CRTC3: variants seen among roughly 807,000 people sequenced by gnomAD.
CRTC3 encodes the protein CREB regulated transcription coactivator 3, also known as CREB-regulated transcription coactivator 3.
A neutral mutation model predicts 74.5 loss-of-function variants in CRTC3; 26 were observed. The observed-to-expected ratio is 0.35, with a 90% confidence interval of 0.26 to 0.48. The LOEUF is 0.48. CRTC3 is among the 20% of genes least tolerant of loss of function. The probability of loss-of-function intolerance (pLI) is 0.99; values close to 1 mark genes in which losing one functional copy is unlikely to be tolerated. For missense variants in CRTC3, 760 were observed against 787.3 expected (o/e 0.97, Z 0.41); for synonymous variants, 377 against 325.8 (o/e 1.16, Z -1.69).
chr15:90,603,393 A>C (rs1272170923), intron 4 of CRTC3, among the ~76,000 whole-genome samples: 5 of 152,024 alleles, frequency 3.3e-5, no homozygotes, highest in Admixed American at 1.3e-4. Flanking sequence ...CAGTGAGCCG[A>C]GATCACGCCA....
At chr15:90,532,931 A>C (rs1042346144) in intron 1 of CRTC3, among the ~76,000 whole-genome samples, 2 of 150,908 alleles carry the variant, frequency 1.3e-5, no homozygotes, top group Admixed American at 1.3e-4. Context: ...CTAAAAGTAC[A>C]AAAATTAGCC....
Position 90,632,607 on chromosome 15 carries a change from A to C in CRTC3, c.1266+3075A>C, listed in dbSNP as rs147585361. On this transcript the variant is annotated intron_variant, in intron 11 of 14. Coordinates refer to ENST00000268184, the MANE Select transcript of CRTC3 (RefSeq NM_022769.5). ...TTTAACTAATCTCTTTGGTATAACC[A>C]TGTTATTATTATTTTGAGACAGAGT... Among the ~76,000 whole-genome samples the C allele has an allele frequency of 3.3e-3, 499 of 152,144 alleles. 3 individuals carry two copies. The highest frequency in any genetic ancestry group is 0.012 in the African/African-American group (488 of 41,508).
rs1202297469 is a variant in CRTC3 at position 90,546,258 on chromosome 15, T to C, written c.231+6121T>C. 3.3e-5 allele frequency among the ~76,000 whole-genome samples: 5 copies of C among 152,202 alleles called. No individual in the cohort carries two copies. The South Asian group carries it at 8.3e-4, about 25-fold the overall frequency. On this transcript the variant is annotated intron_variant, in intron 2 of 14. Coordinates refer to ENST00000268184, the MANE Select transcript of CRTC3 (RefSeq NM_022769.5). ...GGGTTTGAGGCTCACTCATTTTGCA[T>C]AGGGATGTTAAATTGTTCTAGAACC...
chr15:90,631,247 G>A (rs1969028340), intron 11 of CRTC3, among the ~76,000 whole-genome samples: 1 of 152,072 alleles, frequency 6.6e-6, no homozygotes, highest in Non-Finnish European at 1.5e-5. Context: ...GAGGGTGAGA[G>A]GACATTTCAT....
chr15:90,640,795 G>GTT (rs1969410111), intron 13 of CRTC3, among the ~76,000 whole-genome samples: 2 of 151,754 alleles, frequency 1.3e-5, no homozygotes, highest in African/African-American at 4.9e-5. Context: ...TGAGGCTGAG[G>GTT]ACAGATGTCT....
chr15:90,638,572 CCT>C lies in CRTC3; in HGVS notation c.1394_1395del (p.Pro465ArgfsTer38), dbSNP rs1969324541. The C allele has an allele frequency of 6.2e-7, 1 of 1,613,016 alleles. No homozygotes were observed. Among genetic ancestry groups the C allele is most frequent in the Admixed American group, 1.7e-5 (1 of 59,994 alleles). On this transcript the variant is annotated frameshift_variant, in exon 12 of 15. Transcript: ENST00000268184. LOFTEE classifies it high-confidence loss of function. ...TQPLLQQPRA[P>X]EAPAQQPQAA... ...GCCCCTCCTGCAGCAGCCCCGCGCCCCTGAGGCCCCTGCCCAGCAGCCCCAGG... is the reference window on the plus strand; with the variant it reads ...GCCCCTCCTGCAGCAGCCCCGCGCCCGAGGCCCCTGCCCAGCAGCCCCAGG...
chr15:90,537,316 G>C (rs1966735353), intron 1 of CRTC3, among the ~76,000 whole-genome samples: 1 of 152,182 alleles, frequency 6.6e-6, no homozygotes, highest in South Asian at 2.1e-4. Context: ...TCTTGTGCAG[G>C]AGGCGTCAGA....
intron 2 of CRTC3, among the ~76,000 whole-genome samples, chr15:90,586,550 G>C (rs1239891341): frequency 6.6e-6 from 1 of 151,760 alleles, no homozygotes; most frequent in East Asian, 1.9e-4. Context: ...GTTTTTAGTA[G>C]AGACGGGGTT....
Position 90,623,866 on chromosome 15 carries a change from G to A in CRTC3, c.750-1910G>A, listed in dbSNP as rs116260732. ...GTGGTCTGAATCCTCACAGTTCTGA[G>A]GGCACACCATGTGGTCTCACACCTC... On this transcript the variant is annotated intron_variant, in intron 9 of 14. Transcript: ENST00000268184. Among the ~76,000 whole-genome samples the A allele has an allele frequency of 3.1e-3, 465 of 152,226 alleles. 2 individuals are homozygous for A. Among genetic ancestry groups the A allele is most frequent in the African/African-American group, 0.011 (454 of 41,518 alleles).
At chr15:90,544,659 A>C (rs779172205) in intron 2 of CRTC3, among the ~76,000 whole-genome samples, 1 of 152,234 alleles carries the variant, frequency 6.6e-6, no homozygotes, top group Non-Finnish European at 1.5e-5. Flanking sequence ...TTGCTAGATC[A>C]TACAGTAAGT....
At chr15:90,604,322 A>G (rs1287603725) in intron 4 of CRTC3, 63 bp from the exon 5 acceptor site, 2 of 1,285,146 alleles carry the variant, frequency 1.6e-6, no homozygotes, top group African/African-American at 1.5e-5. Context: ...GCAAGTGCTG[A>G]GGCCCTCCTT....
chr15:90,571,126 C>G (rs1418899381), intron 2 of CRTC3, among the ~76,000 whole-genome samples: 1 of 152,210 alleles, frequency 6.6e-6, no homozygotes, highest in African/African-American at 2.4e-5. Flanking sequence ...AGACACAATG[C>G]TTGATGCTGG....
chr15:90,585,462 T>A (rs942023340), intron 2 of CRTC3, among the ~76,000 whole-genome samples: 1 of 39,162 alleles, frequency 2.6e-5, no homozygotes, highest in Non-Finnish European at 7.5e-5. Flanking sequence ...TTCCTTAATA[T>A]TTTTTTTTTT....
chr15:90,564,696 A>G (rs1402117695), intron 2 of CRTC3, among the ~76,000 whole-genome samples: 2 of 152,224 alleles, frequency 1.3e-5, no homozygotes, highest in Non-Finnish European at 2.9e-5. Context: ...CGAATTTGCC[A>G]TGGTTAGAAA....
chr15:90,570,688 G>A lies in CRTC3; in HGVS notation c.232-22948G>A, dbSNP rs1047502968. Among the ~76,000 whole-genome samples, 6 of 152,084 alleles carry A rather than the reference G, an allele frequency of 3.9e-5. 1 individual carries two copies. The highest frequency in any genetic ancestry group is 9.7e-5 in the African/African-American group (4 of 41,418). On this transcript the variant is annotated intron_variant, in intron 2 of 14. Coordinates refer to ENST00000268184, the MANE Select transcript of CRTC3 (RefSeq NM_022769.5). Reference sequence around the variant, plus strand: ...GAGGCAGGTGAATTACCTGAGGTCCGGATAACAGTAATGCATCCTCATAAG... The same window carrying A: ...GAGGCAGGTGAATTACCTGAGGTCCAGATAACAGTAATGCATCCTCATAAG...
At chr15:90,629,140 A>T in intron 10 of CRTC3, 94 bp from the exon 11 acceptor site, 1 of 1,194,488 alleles carries the variant, frequency 8.4e-7, no homozygotes, top group South Asian at 1.5e-5. Context: ...CAGAATCATC[A>T]TCGCATGTGA....
intron 2 of CRTC3, among the ~76,000 whole-genome samples, chr15:90,557,524 T>A (rs998489761): frequency 6.6e-6 from 1 of 152,172 alleles, no homozygotes; most frequent in Admixed American, 6.5e-5. Flanking sequence ...GTGCCCCTCT[T>A]TGAGGGGCTC....
chr15:90,537,327 GT>G (rs751225798), intron 1 of CRTC3, among the ~76,000 whole-genome samples: 1 of 152,210 alleles, frequency 6.6e-6, no homozygotes, highest in African/African-American at 2.4e-5. Context: ...AGGCGTCAGA[GT>G]TGTTTGCCCA....
intron 2 of CRTC3, among the ~76,000 whole-genome samples, chr15:90,568,469 G>T (rs1967176871): frequency 6.6e-6 from 1 of 152,020 alleles, no homozygotes; most frequent in African/African-American, 2.4e-5. Context: ...TCCTGCCTCA[G>T]CCTCCCGAGT....
Sources: allele counts gnomAD v4.1 joint callset (sites outside exome capture counted in the v4.1 genomes callset), GRCh38; gene constraint gnomAD v4.1.1; transcripts MANE v1.5; gene names NCBI Gene and HGNC (gene_info 2026-07-23, HGNC 2026-07-21).